The following RBFOX1 variants were observed in gnomAD, a reference collection of about 807,000 sequenced individuals.
The protein encoded by RBFOX1 is RNA binding fox-1 homolog 1.
RBFOX1 carries 8 observed loss-of-function variants against 57.7 expected under a neutral mutation model. That is an observed-to-expected ratio of 0.14 (90% confidence interval 0.08 to 0.25). The LOEUF is 0.25. Ranked by LOEUF, RBFOX1 falls within the 10% of genes least tolerant of loss-of-function variation. The pLI, the probability that RBFOX1 is intolerant of heterozygous loss-of-function variation, is 1.00. For missense variants in RBFOX1, 611 were observed against 548.5 expected, an observed-to-expected ratio of 1.11 and a Z score of -1.14; for synonymous variants, 326 against 222.4, an observed-to-expected ratio of 1.47 and a Z score of -4.15.
intron 2 of RBFOX1, among the ~76,000 whole-genome samples, chr16:6,554,725 GACACACACACAC>G (rs34699308): frequency 6.6e-4 from 98 of 148,250 alleles, no homozygotes; most frequent in Non-Finnish European, 9.1e-4. Flanking sequence ...AGTAGACACA[GACACACACACAC>G]ACACACACAC....
intron 4 of RBFOX1, among the ~76,000 whole-genome samples, chr16:5,885,331 A>AT (rs2057872495): frequency 1.3e-5 from 2 of 152,012 alleles, no homozygotes; most frequent in African/African-American, 4.8e-5. Context: ...AAAAAAAAAA[A>AT]AAAAAACTCC....
intron 1 of RBFOX1, among the ~76,000 whole-genome samples, chr16:6,120,847 A>G (rs981073168): frequency 6.6e-6 from 1 of 152,054 alleles, no homozygotes; most frequent in Non-Finnish European, 1.5e-5. Context: ...TTTTTATCCA[A>G]ACATTTCTGG....
intron 3 of RBFOX1, among the ~76,000 whole-genome samples, chr16:7,028,448 G>C (rs1427260862): frequency 6.6e-6 from 1 of 151,656 alleles, no homozygotes; most frequent in Non-Finnish European, 1.5e-5. Context: ...TTAGCTGGGC[G>C]TGGTGGCTCA....
intron 4 of RBFOX1, among the ~76,000 whole-genome samples, chr16:5,889,415 G>C (rs910410838): frequency 2.0e-5 from 3 of 152,136 alleles, no homozygotes; most frequent in African/African-American, 4.8e-5. Context: ...TTTTATGGCT[G>C]CATAGTATTC....
At chr16:7,598,042 G>C (rs1338889980) in intron 9 of RBFOX1, among the ~76,000 whole-genome samples, 1 of 152,108 alleles carries the variant, frequency 6.6e-6, no homozygotes, top group Non-Finnish European at 1.5e-5. Context: ...TAAAACTTCT[G>C]AAAACTCCTC....
At chr16:6,659,809 G>A (rs1455704703) in intron 3 of RBFOX1, among the ~76,000 whole-genome samples, 1 of 152,162 alleles carries the variant, frequency 6.6e-6, no homozygotes, top group Non-Finnish European at 1.5e-5. Context: ...GATGTCTTCT[G>A]GCTTTGAGGG....
intron 4 of RBFOX1, among the ~76,000 whole-genome samples, chr16:7,398,995 A>T (rs1465379353): frequency 6.6e-6 from 1 of 152,200 alleles, no homozygotes; most frequent in Non-Finnish European, 1.5e-5. Context: ...TGTCAACGGA[A>T]ATAGTAGACA....
At chr16:7,214,480 T>C (rs2091697179) in intron 4 of RBFOX1, among the ~76,000 whole-genome samples, 1 of 152,010 alleles carries the variant, frequency 6.6e-6, no homozygotes, top group Non-Finnish European at 1.5e-5. Context: ...ATCCATCCAC[T>C]GCCTCCATCT....
intron 2 of RBFOX1, among the ~76,000 whole-genome samples, chr16:6,496,816 C>T (rs936868682): frequency 1.3e-5 from 2 of 152,134 alleles, no homozygotes; most frequent in South Asian, 2.1e-4. Flanking sequence ...AAAAATTGGC[C>T]TGGTGTGATG....
intron 3 of RBFOX1, among the ~76,000 whole-genome samples, chr16:5,860,069 G>A (rs868107406): frequency 6.6e-6 from 1 of 152,154 alleles, no homozygotes; most frequent in Non-Finnish European, 1.5e-5. Flanking sequence ...CCAGTAGACA[G>A]TAGTGGACAC....
chr16:5,826,667 A>ATTAGATTCTGT (rs2056066670), intron 3 of RBFOX1, among the ~76,000 whole-genome samples: 1 of 152,250 alleles, frequency 6.6e-6, no homozygotes, highest in Admixed American at 6.5e-5. Context: ...TTGTGAAGTT[A>ATTAGATTCTGT]CTAATAGTTA....
intron 3 of RBFOX1, among the ~76,000 whole-genome samples, chr16:5,809,361 GA>G (rs1335581202): frequency 6.6e-6 from 1 of 152,170 alleles, no homozygotes; most frequent in Non-Finnish European, 1.5e-5. Flanking sequence ...GACAGCAAAA[GA>G]AACTGCTATC....
intron 2 of RBFOX1, among the ~76,000 whole-genome samples, chr16:5,591,901 G>T (rs2047020419): frequency 6.6e-6 from 1 of 152,162 alleles, no homozygotes. Flanking sequence ...GGAATCCCTA[G>T]TCCGAATATT....
intron 3 of RBFOX1, among the ~76,000 whole-genome samples, chr16:6,805,738 T>G (rs2154261585): frequency 6.6e-6 from 1 of 152,262 alleles, no homozygotes; most frequent in Middle Eastern, 3.4e-3. Flanking sequence ...CCCTCCTTTC[T>G]TCAAGGTTTT....
intron 1 of RBFOX1, among the ~76,000 whole-genome samples, chr16:6,151,412 A>C (rs2096796977): frequency 6.6e-6 from 1 of 152,078 alleles, no homozygotes; most frequent in Non-Finnish European, 1.5e-5. Context: ...CAGCCTCCCA[A>C]GTAGCTGGGA....
chr16:6,327,104 T>G lies in RBFOX1; in HGVS notation c.-64+10047T>G, dbSNP rs548816675. Among the ~76,000 whole-genome samples the G allele has an allele frequency of 2.6e-4, 39 of 152,318 alleles. No homozygotes were observed. The South Asian group carries it at 7.3e-3, about 28-fold the overall frequency. On this transcript the variant is annotated intron_variant, in intron 2 of 15. Transcript: ENST00000550418. ...ACATGCACCACTGTCCACAAGCCAC[T>G]GTCGTTCCTTCTCCACTTTCCTCTG...
chr16:6,677,386 T>A (rs928716165), intron 3 of RBFOX1, among the ~76,000 whole-genome samples: 3 of 152,206 alleles, frequency 2.0e-5, no homozygotes, highest in Non-Finnish European at 4.4e-5. Context: ...ATATGTGATA[T>A]GTTTCTATGG....
At chr16:7,073,009 T>C (rs114417352) in intron 4 of RBFOX1, among the ~76,000 whole-genome samples, 173 of 152,292 alleles carry the variant, frequency 1.1e-3, no homozygotes, top group African/African-American at 3.8e-3. Context: ...GGGTCAGGCT[T>C]TGTGAGTCCT....
chr16:7,246,257 C>G (rs1028120127), intron 4 of RBFOX1, among the ~76,000 whole-genome samples: 10 of 152,124 alleles, frequency 6.6e-5, no homozygotes, highest in African/African-American at 2.2e-4. Context: ...ACAGCCACCA[C>G]CCTAATCCAA....
Sources: gnomAD v4.1 joint callset for allele counts (sites outside exome capture counted in the v4.1 genomes callset) on GRCh38, gnomAD v4.1.1 for gene constraint, MANE v1.5 for transcripts, NCBI Gene and HGNC (gene_info 2026-07-23, HGNC 2026-07-21) for gene names.